The following VPS13B variants were observed in gnomAD, a reference collection of about 807,000 sequenced individuals.
VPS13B encodes vacuolar protein sorting 13 homolog B, also known as intermembrane lipid transfer protein VPS13B.
Under a neutral mutation model 426.4 loss-of-function variants are expected in VPS13B, and 285 were observed. That is an observed-to-expected ratio of 0.67 (90% CI 0.61 to 0.74). The LOEUF is 0.74. Among genes scored for constraint, VPS13B ranks in the 30% least tolerant of loss-of-function variants. The probability of loss-of-function intolerance (pLI) is 0.00; values close to 1 mark genes in which losing one functional copy is unlikely to be tolerated. For missense variants in VPS13B, 4,537 were observed against 4,782.6 expected (o/e 0.95, Z 1.51); for synonymous variants, 1,676 against 1,676.4 (o/e 1.00, Z 0.01).
At chr8:99,528,253 A>G (rs1187742075) in intron 30 of VPS13B, among the ~76,000 whole-genome samples, 1 of 152,074 alleles carries the variant, frequency 6.6e-6, no homozygotes, top group East Asian at 1.9e-4. Context: ...AGCTTTTATT[A>G]TAAGAAATAG....
chr8:99,038,025 T>A (rs921796567), intron 2 of VPS13B, among the ~76,000 whole-genome samples: 1 of 152,122 alleles, frequency 6.6e-6, no homozygotes, highest in Non-Finnish European at 1.5e-5. Flanking sequence ...ACTGCTGCTA[T>A]ATACTGTTGC....
At chr8:99,733,271 A>T (rs1479269453) in intron 39 of VPS13B, among the ~76,000 whole-genome samples, 1 of 152,198 alleles carries the variant, frequency 6.6e-6, no homozygotes, top group African/African-American at 2.4e-5. Flanking sequence ...AGAAGGAAAG[A>T]GGGAAGTACA....
intron 51 of VPS13B, among the ~76,000 whole-genome samples, chr8:99,825,894 A>G (rs1219537245): frequency 6.6e-6 from 1 of 151,978 alleles, no homozygotes; most frequent in South Asian, 2.1e-4. Flanking sequence ...GTGTGGTGTT[A>G]TTTCTGAGGC....
intron 19 of VPS13B, among the ~76,000 whole-genome samples, chr8:99,336,334 C>T (rs916653110): frequency 2.6e-5 from 4 of 152,240 alleles, no homozygotes; most frequent in African/African-American, 9.6e-5. Flanking sequence ...AAACTGGATC[C>T]CTTCCTTACA....
rs570475442 is a variant in VPS13B at position 99,234,537 on chromosome 8, G to A, written c.2516-39661G>A. 1.9e-4 allele frequency: 90 copies of A among 469,992 alleles called. No homozygotes were observed. In the East Asian group the frequency reaches 4.8e-3, roughly 25 times the overall value. 29.1% of individuals were successfully genotyped at this position (469,992 alleles called of 1,614,324 possible). A position where few individuals can be genotyped will look rare whatever the true frequency, so the allele number is the denominator to read the frequency against. On this transcript the variant is annotated intron_variant, in intron 17 of 61. Transcript: ENST00000357162. ...TCCGCGGGGTTGGGGTTCAGGGGCC[G>A]CAGGGCTGGGGTTCGGGGGCCGCGT...
At chr8:99,089,194 C>G (rs994474455) in intron 3 of VPS13B, among the ~76,000 whole-genome samples, 8 of 152,134 alleles carry the variant, frequency 5.3e-5, no homozygotes, top group African/African-American at 1.7e-4. Context: ...GATATTCTTG[C>G]ATTCATAGAG....
At chr8:99,425,731 G>A (rs922247444) in intron 21 of VPS13B, among the ~76,000 whole-genome samples, 2 of 152,100 alleles carry the variant, frequency 1.3e-5, no homozygotes, top group Non-Finnish European at 2.9e-5. Flanking sequence ...GAAATAAAGG[G>A]TATTCAATTA....
At chr8:99,102,864 T>C (rs1315728431) in intron 4 of VPS13B, 89 bp from the exon 5 acceptor site, 1 of 1,273,572 alleles carries the variant, frequency 7.9e-7, no homozygotes, top group Non-Finnish European at 1.1e-6. Flanking sequence ...TAACCACCTT[T>C]CTCATACATT....
At position 99,211,505 on chromosome 8, in the gene VPS13B, G is replaced by A. The variant is rs74581308; in HGVS notation, c.2515+18448G>A. ...CCAAGGATCCTTCTTGGTAGATTTA[G>A]ACAAGCTAGATTTTGGAAAGGAGAG... On this transcript the variant is annotated intron_variant, in intron 17 of 61. Coordinates refer to ENST00000357162, the MANE Select transcript of VPS13B (RefSeq NM_152564.5). Among the ~76,000 whole-genome samples the A allele has an allele frequency of 9.9e-3, 1,512 of 152,272 alleles. 33 individuals are homozygous for A. Among genetic ancestry groups the A allele is most frequent in the African/African-American group, 0.035 (1,449 of 41,552 alleles).
intron 35 of VPS13B, among the ~76,000 whole-genome samples, chr8:99,685,546 A>T (rs1006218841): frequency 1.7e-4 from 26 of 152,160 alleles, no homozygotes; most frequent in African/African-American, 5.6e-4. Flanking sequence ...CCTAGGGACC[A>T]CCCATTCATT....
At chr8:99,084,863 T>C (rs969296601) in intron 3 of VPS13B, among the ~76,000 whole-genome samples, 2 of 152,204 alleles carry the variant, frequency 1.3e-5, no homozygotes, top group African/African-American at 4.8e-5. Flanking sequence ...TGAGGAGTGC[T>C]TTACTTCCGA....
At chr8:99,136,607 TA>T in intron 11 of VPS13B, 57 bp from the exon 12 acceptor site, 1 of 1,576,348 alleles carries the variant, frequency 6.3e-7, no homozygotes, top group Non-Finnish European at 8.7e-7. Flanking sequence ...TATCAAGCTT[TA>T]AACTCAAAAG....
rs548133831 is a variant in VPS13B at position 99,836,751 on chromosome 8, G to A, written c.9942+1013G>A. ...TATTAAAGTTACAAATGCATTTACG[G>A]TAGTAATAATAATGGTTATCATTGA... is the stretch of plus-strand genomic sequence containing the variant. On this transcript the variant is annotated intron_variant, in intron 54 of 61. Coordinates refer to ENST00000357162, the MANE Select transcript of VPS13B (RefSeq NM_152564.5). 5.3e-5 allele frequency among the ~76,000 whole-genome samples: 8 copies of A among 152,300 alleles called. No individual in the cohort carries two copies. In the South Asian group the frequency reaches 1.7e-3, roughly 32 times the overall value.
intron 23 of VPS13B, among the ~76,000 whole-genome samples, chr8:99,448,969 T>C (rs1309776439): frequency 1.3e-5 from 2 of 152,210 alleles, no homozygotes; most frequent in Admixed American, 1.3e-4. Context: ...ACTATTGTTT[T>C]ATGTTTAGCT....
intron 12 of VPS13B, among the ~76,000 whole-genome samples, chr8:99,140,888 G>GT (rs1810386313): frequency 6.6e-6 from 1 of 151,962 alleles, no homozygotes; most frequent in Admixed American, 6.6e-5. Flanking sequence ...AGCAAGTGAT[G>GT]TTTTAAAAAC....
At chr8:99,783,240 C>G (rs1291723117) in intron 42 of VPS13B, among the ~76,000 whole-genome samples, 1 of 152,140 alleles carries the variant, frequency 6.6e-6, no homozygotes, top group Non-Finnish European at 1.5e-5. Flanking sequence ...TCTGTTTACT[C>G]CCCCACTTCT....
intron 19 of VPS13B, among the ~76,000 whole-genome samples, chr8:99,276,057 T>C (rs1818879664): frequency 1.3e-5 from 2 of 152,162 alleles, no homozygotes; most frequent in African/African-American, 2.4e-5. Context: ...CAACAAGTAC[T>C]GTAGCTTATA....
At chr8:99,500,048 C>T (rs3105177) in intron 25 of VPS13B, among the ~76,000 whole-genome samples, 25,832 of 152,002 alleles carry the variant, frequency 0.17, 2,743 homozygotes, top group East Asian at 0.38. Flanking sequence ...TAATGAGAGC[C>T]GGGACTTTGG....
At chr8:99,436,198 T>C (rs954360541) in intron 22 of VPS13B, among the ~76,000 whole-genome samples, 1 of 152,202 alleles carries the variant, frequency 6.6e-6, no homozygotes, top group Admixed American at 6.5e-5. Flanking sequence ...CTATGTGCTT[T>C]ACTTGCTTAT....
Sources: allele counts gnomAD v4.1 joint callset (sites outside exome capture counted in the v4.1 genomes callset), GRCh38; gene constraint gnomAD v4.1.1; transcripts MANE v1.5; gene names NCBI Gene and HGNC (gene_info 2026-07-23, HGNC 2026-07-21).